MAGI2: variants seen among roughly 807,000 people sequenced by gnomAD.
MAGI2 encodes membrane-associated guanylate kinase, WW and PDZ domain-containing protein 2.
A neutral mutation model predicts 133.3 loss-of-function variants in MAGI2; 35 were observed. The ratio of observed to expected loss-of-function variants is 0.26; its 90% CI spans 0.20 to 0.35. The LOEUF (loss-of-function observed/expected upper bound fraction) is 0.35. Among genes scored for constraint, MAGI2 ranks in the 10% least tolerant of loss-of-function variants. The probability of loss-of-function intolerance (pLI) is 1.00; values close to 1 mark genes in which losing one functional copy is unlikely to be tolerated. For missense variants in MAGI2, 1,636 were observed against 1,863.4 expected, an observed-to-expected ratio of 0.88 and a Z score of 2.25; for synonymous variants, 729 against 710.6, an observed-to-expected ratio of 1.03 and a Z score of -0.41.
At chr7:78,716,274 A>G (rs1271065733) in intron 2 of MAGI2, among the ~76,000 whole-genome samples, 1 of 152,122 alleles carries the variant, frequency 6.6e-6, no homozygotes, top group African/African-American at 2.4e-5. Flanking sequence ...TTCCAGGAAA[A>G]GTTGAGATGG....
chr7:78,607,734 A>G (rs1257338719), intron 3 of MAGI2, among the ~76,000 whole-genome samples: 1 of 152,164 alleles, frequency 6.6e-6, no homozygotes, highest in Non-Finnish European at 1.5e-5. Flanking sequence ...TAACCAGACT[A>G]CAGCAAAATG....
At chr7:78,908,504 G>A (rs182299261) in intron 2 of MAGI2, among the ~76,000 whole-genome samples, 2 of 152,242 alleles carry the variant, frequency 1.3e-5, no homozygotes, top group African/African-American at 4.8e-5. Context: ...AAATGACTGG[G>A]CTGATATTCT....
chr7:78,832,036 G>A (rs1226844434), intron 2 of MAGI2, among the ~76,000 whole-genome samples: 1 of 151,912 alleles, frequency 6.6e-6, no homozygotes, highest in Non-Finnish European at 1.5e-5. Context: ...AGTGGTAAGT[G>A]ACCTTTTAAA....
intron 7 of MAGI2, among the ~76,000 whole-genome samples, chr7:78,366,488 T>C (rs1303685762): frequency 2.5e-4 from 38 of 152,182 alleles, no homozygotes. Context: ...TTCTTATAGT[T>C]TCCATAAAGA....
rs1808077312 is a variant in MAGI2 at position 78,019,465 on chromosome 7, C to T, written c.4218G>A (p.Ala1406=). The change falls in exon 22 of 22, where the codon GCG becomes GCA. Residue 1406 remains alanine (A), a synonymous_variant. Coordinates refer to ENST00000354212, the MANE Select transcript of MAGI2 (RefSeq NM_012301.4). The part of the protein sequence containing the change: ...GSGALEAEGR[A]GARAGPRPGP... ...CCGGCCGGGGACCCGCGCGCGCACC[C>T]GCCCTGCCCTCGGCCTCCAGCGCGC... is the stretch of plus-strand genomic sequence containing the variant. 1.0e-6 allele frequency: 1 copy of T among 981,038 alleles called. No homozygotes were observed. Among genetic ancestry groups the T allele is most frequent in the African/African-American group, 1.8e-5 (1 of 56,628 alleles). The allele number at this position is 981,038 out of a possible 1,614,324, so 60.8% of individuals were successfully genotyped here. A position where few individuals can be genotyped will look rare whatever the true frequency, so the allele number is the denominator to read the frequency against.
chr7:78,987,642 T>C (rs1052991971), intron 2 of MAGI2, among the ~76,000 whole-genome samples: 3 of 152,018 alleles, frequency 2.0e-5, no homozygotes, highest in Admixed American at 6.6e-5. Flanking sequence ...CATCTTCTGT[T>C]TTCCCATTAA....
intron 6 of MAGI2, among the ~76,000 whole-genome samples, chr7:78,392,289 G>A (rs1334677329): frequency 6.6e-6 from 1 of 152,108 alleles, no homozygotes; most frequent in Admixed American, 6.6e-5. Context: ...TTGATTCTCA[G>A]GTAGAATCAT....
chr7:78,962,691 T>C (rs1802951731), intron 2 of MAGI2, among the ~76,000 whole-genome samples: 1 of 152,018 alleles, frequency 6.6e-6, no homozygotes, highest in South Asian at 2.1e-4. Flanking sequence ...CATTGATTAA[T>C]AAAACCTGAT....
At chr7:78,647,826 A>G (rs1481519401) in intron 2 of MAGI2, among the ~76,000 whole-genome samples, 1 of 152,202 alleles carries the variant, frequency 6.6e-6, no homozygotes, top group East Asian at 1.9e-4. Flanking sequence ...ATAAAAAAGG[A>G]TGAGTTCATG....
At chr7:78,334,906 A>G (rs1226525145) in intron 9 of MAGI2, among the ~76,000 whole-genome samples, 1 of 152,198 alleles carries the variant, frequency 6.6e-6, no homozygotes, top group African/African-American at 2.4e-5. Context: ...AAGGCATGAG[A>G]GCAGAGGTAT....
chr7:79,212,290 T>C (rs1829566262), intron 1 of MAGI2, among the ~76,000 whole-genome samples: 1 of 152,120 alleles, frequency 6.6e-6, no homozygotes, highest in African/African-American at 2.4e-5. Context: ...AGTATTTTGC[T>C]ATTGCATATA....
At chr7:78,434,378 T>A (rs1395710969) in intron 6 of MAGI2, among the ~76,000 whole-genome samples, 1 of 152,192 alleles carries the variant, frequency 6.6e-6, no homozygotes, top group Non-Finnish European at 1.5e-5. Flanking sequence ...TCAGCGTATA[T>A]GTCTAGCTTT....
At chr7:79,396,883 A>G (rs1009900407) in intron 1 of MAGI2, among the ~76,000 whole-genome samples, 1 of 95,680 alleles carries the variant, frequency 1.0e-5, no homozygotes, top group Non-Finnish European at 1.8e-5. Flanking sequence ...CATTTCACAT[A>G]TATTAAGTGA....
At chr7:79,451,684 G>A (rs1015556258) in intron 1 of MAGI2, among the ~76,000 whole-genome samples, 2 of 152,072 alleles carry the variant, frequency 1.3e-5, no homozygotes, top group Admixed American at 1.3e-4. Context: ...TAACAGTGCG[G>A]TACATCTCCG....
chr7:78,756,567 CA>C (rs1823969248), intron 2 of MAGI2, among the ~76,000 whole-genome samples: 1 of 152,012 alleles, frequency 6.6e-6, no homozygotes, highest in Non-Finnish European at 1.5e-5. Flanking sequence ...TATGTTTGCA[CA>C]AAATGAGGGT....
At chr7:78,734,412 C>CTT (rs1339756099) in intron 2 of MAGI2, among the ~76,000 whole-genome samples, 2 of 152,156 alleles carry the variant, frequency 1.3e-5, no homozygotes, top group Non-Finnish European at 2.9e-5. Context: ...CCTAAAGAGG[C>CTT]TTATGTTCTT....
intron 2 of MAGI2, among the ~76,000 whole-genome samples, chr7:78,835,302 T>C (rs970578646): frequency 1.3e-5 from 2 of 152,208 alleles, no homozygotes; most frequent in African/African-American, 2.4e-5. Context: ...TCTTGTGGTT[T>C]CTTCCATTCT....
intron 1 of MAGI2, among the ~76,000 whole-genome samples, chr7:79,379,361 T>C (rs1420525714): frequency 2.6e-5 from 4 of 151,984 alleles, no homozygotes; most frequent in Non-Finnish European, 5.9e-5. Flanking sequence ...CAGTCTATCA[T>C]TGATGGGCAT....
chr7:78,961,320 CT>C (rs1487295141), intron 2 of MAGI2, among the ~76,000 whole-genome samples: 1 of 152,078 alleles, frequency 6.6e-6, no homozygotes, highest in Non-Finnish European at 1.5e-5. Context: ...CGAGGCTCCC[CT>C]GTTACTGATC....
Sources: allele counts gnomAD v4.1 joint callset (sites outside exome capture counted in the v4.1 genomes callset), GRCh38; gene constraint gnomAD v4.1.1; transcripts MANE v1.5; gene names NCBI Gene and HGNC (gene_info 2026-07-23, HGNC 2026-07-21).